SIPA1L2: variants seen among roughly 807,000 people sequenced by gnomAD.
The protein encoded by SIPA1L2 is signal-induced proliferation-associated 1-like protein 2.
A neutral mutation model predicts 163.9 loss-of-function variants in SIPA1L2; 56 were observed. The observed-to-expected ratio is 0.34, with a 90% confidence interval of 0.28 to 0.43. SIPA1L2 has a LOEUF of 0.43. Among genes scored for constraint, SIPA1L2 ranks in the 20% least tolerant of loss-of-function variants. SIPA1L2 has a pLI of 1.00. For missense variants in SIPA1L2, 1,974 were observed against 2,193.5 expected (o/e 0.90, Z 2.00); for synonymous variants, 877 against 865.7 (o/e 1.01, Z -0.23).
At chr1:232,574,521 T>C (rs1033669750) in intron 1 of SIPA1L2, among the ~76,000 whole-genome samples, 2 of 152,192 alleles carry the variant, frequency 1.3e-5, no homozygotes, top group African/African-American at 4.8e-5. Context: ...GCAATATAAT[T>C]CTGCTCATTA....
chr1:232,407,420 T>A (rs1303308925), intron 19 of SIPA1L2, among the ~76,000 whole-genome samples: 3 of 152,216 alleles, frequency 2.0e-5, no homozygotes, highest in Non-Finnish European at 4.4e-5. Context: ...TGAAGCTTCA[T>A]AACAGAAAAA....
chr1:232,547,402 TG>T (rs1258180455), intron 2 of SIPA1L2, among the ~76,000 whole-genome samples: 8 of 151,800 alleles, frequency 5.3e-5, no homozygotes, highest in Non-Finnish European at 1.0e-4. Context: ...GTGGTCTCGG[TG>T]TAACAATCAG....
chr1:232,546,124 A>G (rs1354536734), intron 2 of SIPA1L2, among the ~76,000 whole-genome samples: 1 of 152,224 alleles, frequency 6.6e-6, no homozygotes, highest in African/African-American at 2.4e-5. Context: ...AGAAAGCTAG[A>G]GTGATTTGGA....
At chr1:232,542,084 A>G (rs16857613) in intron 2 of SIPA1L2, among the ~76,000 whole-genome samples, 7,229 of 152,288 alleles carry the variant, frequency 0.047, 552 homozygotes, top group African/African-American at 0.16. Flanking sequence ...GTAGTGAATG[A>G]TGTAATGATT....
At chr1:232,418,637 C>T (rs1050700739) in intron 18 of SIPA1L2, among the ~76,000 whole-genome samples, 16 of 152,296 alleles carry the variant, frequency 1.1e-4, no homozygotes, top group East Asian at 5.8e-4. Flanking sequence ...GAGATGGTTT[C>T]GGGGTGTATA....
rs868235655 is a variant in SIPA1L2, at chr1:232,564,175, T to C, written c.-270+9999A>G. ...GTGTGTGTGTGTGTGTGTGTGTGTG[T>C]GTGTGTGTGTGTGTTTCATCATGTT... is the stretch of plus-strand genomic sequence containing the variant. On this transcript the variant is annotated intron_variant, in intron 2 of 22. Coordinates refer to ENST00000674635, the MANE Select transcript of SIPA1L2 (RefSeq NM_020808.5). 1.9e-3 allele frequency among the ~76,000 whole-genome samples: 222 copies of C among 114,138 alleles called. 12 individuals are homozygous for C. Among genetic ancestry groups the C allele is most frequent in the Non-Finnish European group, 2.9e-3 (175 of 59,348 alleles). 74.9% of individuals were successfully genotyped at this position (114,138 alleles called of 152,430 possible).
chr1:232,566,716 AAAG>A (rs1659427244), intron 2 of SIPA1L2, among the ~76,000 whole-genome samples: 2 of 152,244 alleles, frequency 1.3e-5, no homozygotes, highest in Non-Finnish European at 2.9e-5. Flanking sequence ...GCAAAACAGA[AAAG>A]AATCCAACGT....
intron 3 of SIPA1L2, among the ~76,000 whole-genome samples, chr1:232,509,082 A>G (rs181044249): frequency 6.6e-6 from 1 of 152,272 alleles, no homozygotes; most frequent in Non-Finnish European, 1.5e-5. Flanking sequence ...ACAGAGCGAG[A>G]CTCTGTCTTC....
At chr1:232,606,271 T>G (rs1487782904) in intron 1 of SIPA1L2, among the ~76,000 whole-genome samples, 1 of 152,188 alleles carries the variant, frequency 6.6e-6, no homozygotes, top group African/African-American at 2.4e-5. Flanking sequence ...AATAGAAGCA[T>G]TAACAGGCGT....
intron 2 of SIPA1L2, among the ~76,000 whole-genome samples, chr1:232,556,498 A>G (rs1658710705): frequency 6.6e-6 from 1 of 152,234 alleles, no homozygotes; most frequent in South Asian, 2.1e-4. Context: ...AAGGATGGAA[A>G]CAAAATCCAC....
chr1:232,543,693 C>A (rs763373930), intron 2 of SIPA1L2, among the ~76,000 whole-genome samples: 2 of 152,042 alleles, frequency 1.3e-5, no homozygotes, highest in African/African-American at 4.8e-5. Flanking sequence ...ACACAGCAGG[C>A]CCTACCTTTA....
intron 1 of SIPA1L2, among the ~76,000 whole-genome samples, chr1:232,610,776 G>A (rs897620174): frequency 3.9e-5 from 6 of 152,134 alleles, no homozygotes; most frequent in Non-Finnish European, 8.8e-5. Context: ...GCACAGGCCT[G>A]ACAGCAAGTG....
chr1:232,624,992 C>T (rs965204534), intron 1 of SIPA1L2, among the ~76,000 whole-genome samples: 2 of 152,204 alleles, frequency 1.3e-5, no homozygotes, highest in African/African-American at 4.8e-5. Flanking sequence ...ACCCTAGTGT[C>T]TCAATCCAGT....
chr1:232,530,462 G>C (rs1294217879), intron 2 of SIPA1L2, among the ~76,000 whole-genome samples: 1 of 152,084 alleles, frequency 6.6e-6, no homozygotes, highest in South Asian at 2.1e-4. Flanking sequence ...TTTAGCCATG[G>C]AGTTTCTCCT....
At chr1:232,483,122 A>G (rs1665448949) in intron 6 of SIPA1L2, among the ~76,000 whole-genome samples, 1 of 151,944 alleles carries the variant, frequency 6.6e-6, no homozygotes, top group Non-Finnish European at 1.5e-5. Flanking sequence ...TATTAGACAA[A>G]TTCATGCATC....
At position 232,465,527 on chromosome 1, in the gene SIPA1L2, CACACACATATACAT is replaced by C. The variant is rs1054342823; in HGVS notation, c.2244-125_2244-112del. 2.3e-6 allele frequency: 2 copies of C among 867,854 alleles called. No homozygotes were observed. The highest frequency in any genetic ancestry group is 1.7e-5 in the African/African-American group (1 of 58,146). The allele number at this position is 867,854 out of a possible 1,614,324, so 53.8% of individuals were successfully genotyped here. On this transcript the variant is annotated intron_variant, in intron 8 of 22. Coordinates refer to ENST00000674635, the MANE Select transcript of SIPA1L2 (RefSeq NM_020808.5). This position sits in a 1 kb window ranked among gnomAD's most constrained non-coding sequence, Gnocchi z 4.1. ...ACACACACATATACATACACACACA[CACACACATATACAT>C]ACACACATACACACACACTTTCAAC...
chr1:232,520,762 A>G (rs1667426543), intron 2 of SIPA1L2, among the ~76,000 whole-genome samples: 2 of 152,204 alleles, frequency 1.3e-5, no homozygotes, highest in South Asian at 4.1e-4. Context: ...TAAAAGGAAG[A>G]ACAAACTGAT....
At chr1:232,539,389 TG>T (rs1313960584) in intron 2 of SIPA1L2, among the ~76,000 whole-genome samples, 1 of 152,228 alleles carries the variant, frequency 6.6e-6, no homozygotes, top group Non-Finnish European at 1.5e-5. Context: ...AAACTTCATT[TG>T]GTCAAGAGAA....
intron 8 of SIPA1L2, among the ~76,000 whole-genome samples, chr1:232,469,524 T>C (rs952297692): frequency 5.9e-5 from 9 of 152,188 alleles, no homozygotes; most frequent in African/African-American, 2.2e-4. Context: ...TAGTGATGTT[T>C]TTAAGCAAGA....
Sources: gnomAD v4.1 joint callset for allele counts (sites outside exome capture counted in the v4.1 genomes callset) on GRCh38, gnomAD v4.1.1 for gene constraint, Gnocchi (gnomAD v3.1) non-coding constraint, MANE v1.5 for transcripts, NCBI Gene and HGNC (gene_info 2026-07-23, HGNC 2026-07-21) for gene names.